CRELD2: variants seen among roughly 807,000 people sequenced by gnomAD.
CRELD2 encodes the protein CRELD disulfide isomerase 2.
A neutral mutation model predicts 48.1 loss-of-function variants in CRELD2; 33 were observed. That is an observed-to-expected ratio of 0.69 (90% CI 0.52 to 0.92). The LOEUF (loss-of-function observed/expected upper bound fraction) is 0.92. Among genes scored for constraint, CRELD2 ranks in the 40% least tolerant of loss-of-function variants. The pLI is 0.00. For synonymous variants in CRELD2, 220 were observed against 203.9 expected (o/e 1.08, Z -0.67); for missense variants, 477 against 482.4 (o/e 0.99, Z 0.10).
intron 6 of CRELD2, among the ~76,000 whole-genome samples, chr22:49,922,916 GGGGC>G (rs2060715392): frequency 1.3e-5 from 1 of 75,998 alleles, no homozygotes; most frequent in African/African-American, 9.9e-5. Flanking sequence ...GTGAGGTGTG[GGGGC>G]GTGAGGTGGG....
intron 6 of CRELD2, among the ~76,000 whole-genome samples, 162 bp downstream of exon 6, chr22:49,922,869 T>TTA (rs2060712211): frequency 3.8e-5 from 1 of 26,506 alleles, no homozygotes; most frequent in Non-Finnish European, 5.7e-5. Flanking sequence ...GCTTGGGGTG[T>TTA]GGGGGGCGTG....
Position 49,922,706 on chromosome 22 carries a change from G to A in CRELD2, c.687G>A (p.Val229=). The change falls in exon 6 of 10, where the codon GTG becomes GTA. Residue 229 remains valine (V), a splice_region_variant and synonymous_variant. Coordinates refer to ENST00000328268, the MANE Select transcript of CRELD2 (RefSeq NM_024324.5). ...GGGTGCTGGACGAGGGCGCCTGTGT[G>A]GGTGAGGAGCGGCCCGGGGGTGGAG... is the stretch of plus-strand genomic sequence containing the variant. ...VGWVLDEGAC[V]DVDECAAEPP... The A allele has an allele frequency of 6.5e-7, 1 of 1,543,516 alleles. No individual in the cohort carries two copies.
chr22:49,924,677 G>A (rs1011097194), intron 8 of CRELD2: 17 of 383,206 alleles, frequency 4.4e-5, no homozygotes, highest in Non-Finnish European at 7.2e-5. Flanking sequence ...TGTGGATGGC[G>A]CTGCTGCACC....
chr22:49,924,909 A>T (rs1003217482), intron 8 of CRELD2: 1 of 161,380 alleles, frequency 6.2e-6, no homozygotes. Flanking sequence ...AGGCGGGGGG[A>T]TCACGAGGTC....
chr22:49,925,365 C>A, intron 8 of CRELD2, 52 bp from the exon 9 acceptor site: 1 of 1,158,856 alleles, frequency 8.6e-7, no homozygotes, highest in Non-Finnish European at 1.3e-6. Context: ...TCATAATCCG[C>A]TGCGCGTCTG....
chr22:49,925,555 C>T lies in CRELD2; in HGVS notation c.1007C>T (p.Ala336Val). 6.2e-7 allele frequency: 1 copy of T among 1,613,480 alleles called. No individual in the cohort carries two copies. The highest frequency in any genetic ancestry group is 8.5e-7 in the Non-Finnish European group (1 of 1,180,012). Reference protein sequence around the residue: ...TEDACVPPAEAEATEGESPTQ... With the variant: ...TEDACVPPAEVEATEGESPTQ... ...GATGCCTGTGTGCCGCCGGCAGAGG[C>T]TGGTGAGTGGCACGGCTGCCCTCCA... The change falls in exon 9 of 10, where the codon GCT becomes GTT. Residue 336 changes from alanine (A) to valine (V), a missense_variant and splice_region_variant. Ala to Val is a moderately conservative substitution (Grantham distance 64). Coordinates refer to ENST00000328268, the MANE Select transcript of CRELD2 (RefSeq NM_024324.5).
chr22:49,919,236 G>C lies in CRELD2; in HGVS notation c.136G>C (p.Val46Leu). 6.2e-7 allele frequency: 1 copy of C among 1,613,750 alleles called. No homozygotes were observed. The highest frequency in any genetic ancestry group is 8.5e-7 in the Non-Finnish European group (1 of 1,179,996). Residue 46 changes from valine (V) to leucine (L), a missense_variant, in exon 2 of 10, where the codon GTG (valine) becomes CTG (leucine). By Grantham distance (32) the Val-to-Leu change is conservative (BLOSUM62 1). Transcript: ENST00000328268. ...GGGCACTGTCTCCTCGCAGGGGATGGTGGACACCGCAAAGAAGAACTTTGG... is the reference window on the plus strand; with the variant it reads ...GGGCACTGTCTCCTCGCAGGGGATGCTGGACACCGCAAAGAAGAACTTTGG... ...GLVDKFNQGM[V>L]DTAKKNFGGG...
At chr22:49,924,546 A>G in intron 8 of CRELD2, 91 bp downstream of exon 8, 1 of 953,654 alleles carries the variant, frequency 1.0e-6, no homozygotes, top group Non-Finnish European at 1.6e-6. Flanking sequence ...AGGGATGGGA[A>G]GCAGTTGAGA....
intron 6 of CRELD2, 144 bp from the exon 7 acceptor site, chr22:49,923,090 G>T: frequency 1.6e-6 from 1 of 639,378 alleles, no homozygotes; most frequent in East Asian, 2.8e-5. Flanking sequence ...TGGCATTTGA[G>T]ATGATTCCTC....
At chr22:49,919,161 C>T in intron 1 of CRELD2, 69 bp from the exon 2 acceptor site, 2 of 971,938 alleles carry the variant, frequency 2.1e-6, no homozygotes, top group Middle Eastern at 3.2e-4. Context: ...TCACCCTCGA[C>T]CTGGGCTCGC....
Position 49,923,249 on chromosome 22 carries a change from C to T in CRELD2, c.704C>T (p.Ala235Val), listed in dbSNP as rs375438931. The part of the protein sequence containing the change: ...EGACVDVDEC[A>V]AEPPPCSAAQ... Reference sequence around the variant, plus strand: ...TCTGTTCCAGATGTGGACGAGTGTGCGGCCGAGCCGCCTCCCTGCAGCGCT... The same window carrying T: ...TCTGTTCCAGATGTGGACGAGTGTGTGGCCGAGCCGCCTCCCTGCAGCGCT... The change falls in exon 7 of 10, where the codon GCG becomes GTG. Residue 235 changes from alanine (A) to valine (V), a missense_variant. Coordinates refer to ENST00000328268, the MANE Select transcript of CRELD2 (RefSeq NM_024324.5). The T allele has an allele frequency of 2.8e-5, 44 of 1,584,004 alleles. No homozygotes were observed. Among genetic ancestry groups the T allele is most frequent in the South Asian group, 1.8e-4 (15 of 85,408 alleles).
Position 49,921,957 on chromosome 22 carries a change from TA to T in CRELD2, c.592+198del, listed in dbSNP as rs1386681721. On this transcript the variant is annotated intron_variant, in intron 5 of 9. Coordinates refer to ENST00000328268, the MANE Select transcript of CRELD2 (RefSeq NM_024324.5). ...AGGTTGTCGGGCACTTCCTGTCCCG[TA>T]ACAGCCCTCAGAAGGGAGAAGCTAC... 8.0e-6 allele frequency: 5 copies of T among 625,872 alleles called. No homozygotes were observed. The Admixed American group carries it at 1.2e-4, about 15-fold the overall frequency. The allele number at this position is 625,872 out of a possible 1,614,324, so 38.8% of individuals were successfully genotyped here.
At chr22:49,922,993 G>T (rs1450712169) in intron 6 of CRELD2, among the ~76,000 whole-genome samples, 1 of 149,290 alleles carries the variant, frequency 6.7e-6, no homozygotes, top group East Asian at 1.9e-4. Flanking sequence ...TCCTCATGGG[G>T]CGCCTGCCCC....
Position 49,921,729 on chromosome 22 carries a change from C to T in CRELD2, c.560C>T (p.Ser187Leu), listed in dbSNP as rs915907286. 14 of 1,612,490 alleles carry T rather than the reference C, an allele frequency of 8.7e-6. No individual in the cohort carries two copies. The highest frequency in any genetic ancestry group is 1.7e-4 in the Middle Eastern group (1 of 6,058). ...CTDCMDGYFS[S>L]LRNETHSICT... Reference sequence around the variant, plus strand: ...GACTGCATGGACGGCTACTTCAGCTCGCTCCGGAACGAGACCCACAGCATC... The same window carrying T: ...GACTGCATGGACGGCTACTTCAGCTTGCTCCGGAACGAGACCCACAGCATC... The change falls in exon 5 of 10, where the codon TCG (serine) becomes TTG (leucine). Residue 187 changes from serine to leucine, a missense_variant. Physicochemically the swap from Ser to Leu is moderately radical, Grantham distance 145. Transcript: ENST00000328268.
At position 49,923,355 on chromosome 22, in the gene CRELD2, C is replaced by CTCCGGGGCCTGCT. The variant is rs1569186582; in HGVS notation, c.772+38_772+39insTCCGGGGCCTGCT. ...GGCGGGTCTGCACTCCGGGGCCTGC[C>CTCCGGGGCCTGCT]GGGTTTCGTTGCTGCCTTTGTCAAC... On this transcript the variant is annotated intron_variant, in intron 7 of 9. Transcript: ENST00000328268. 4.9e-6 allele frequency: 7 copies of CTCCGGGGCCTGCT among 1,421,848 alleles called. No homozygotes were observed. The African/African-American group carries it at 1.2e-4, about 25-fold the overall frequency. 88.1% of individuals were successfully genotyped at this position (1,421,848 alleles called of 1,614,324 possible).
chr22:49,925,722 G>A, intron 9 of CRELD2, 165 bp downstream of exon 9: 1 of 1,439,672 alleles, frequency 6.9e-7, no homozygotes, highest in South Asian at 1.5e-5. Context: ...GGGCACGCTT[G>A]CGCGAGAGGT....
chr22:49,924,488 G>A lies in CRELD2; in HGVS notation c.868+33G>A, dbSNP rs370807545. 3 of 1,490,542 alleles carry A rather than the reference G, an allele frequency of 2.0e-6. No homozygotes were observed. In the African/African-American group the frequency reaches 4.2e-5, roughly 21 times the overall value. The allele number at this position is 1,490,542 out of a possible 1,614,324, so 92.3% of individuals were successfully genotyped here. ...ACGGGGTCTGTGCTGGACGCTGGTG[G>A]ACCCTTCCCAAGTGACCATGATGTG... On this transcript the variant is annotated intron_variant, in intron 8 of 9. Transcript: ENST00000328268.
chr22:49,922,160 C>T (rs181186038), intron 5 of CRELD2: 9 of 991,694 alleles, frequency 9.1e-6, no homozygotes, highest in Admixed American at 8.7e-5. Context: ...CCCTGGTTGT[C>T]ACTGATATGT....
At chr22:49,925,708 G>A in intron 9 of CRELD2, 151 bp downstream of exon 9, 1 of 1,459,596 alleles carries the variant, frequency 6.9e-7, no homozygotes, top group Non-Finnish European at 9.0e-7. Flanking sequence ...TGACATCTCT[G>A]TGTGGGCACG....
Sources: gnomAD v4.1 joint callset for allele counts (sites outside exome capture counted in the v4.1 genomes callset) on GRCh38, gnomAD v4.1.1 for gene constraint, MANE v1.5 for transcripts, NCBI Gene and HGNC (gene_info 2026-07-23, HGNC 2026-07-21) for gene names.